The following NOL10 variants were observed in gnomAD, a reference collection of about 807,000 sequenced individuals.
NOL10 encodes the protein H_NH0074G24.1.
A neutral mutation model predicts 103.5 loss-of-function variants in NOL10; 58 were observed. The ratio of observed to expected loss-of-function variants is 0.56; its 90% CI spans 0.45 to 0.70. The LOEUF (loss-of-function observed/expected upper bound fraction) is 0.70, where lower values mean the gene tolerates loss of function less well. NOL10 is among the 30% of genes least tolerant of loss of function. The pLI, the probability that NOL10 is intolerant of heterozygous loss-of-function variation, is 0.00. For synonymous variants in NOL10, 287 were observed against 282.5 expected (o/e 1.02, Z -0.16); for missense variants, 763 against 807.3 (o/e 0.95, Z 0.67).
At chr2:10,653,261 T>C (rs761387743) in intron 12 of NOL10, among the ~76,000 whole-genome samples, 4 of 151,724 alleles carry the variant, frequency 2.6e-5, no homozygotes, top group Non-Finnish European at 4.4e-5. Flanking sequence ...GTACACCTAG[T>C]ATAAGGTCAA....
intron 4 of NOL10, among the ~76,000 whole-genome samples, chr2:10,675,208 T>TAATAAATA (rs753047364): frequency 6.6e-6 from 1 of 151,110 alleles, no homozygotes; most frequent in African/African-American, 2.4e-5. Flanking sequence ...TTTAAAAAAG[T>TAATAAATA]AATAAATAAA....
chr2:10,680,086 C>A (rs1007881541), intron 3 of NOL10, among the ~76,000 whole-genome samples: 24 of 151,880 alleles, frequency 1.6e-4, no homozygotes, highest in Non-Finnish European at 2.8e-4. Flanking sequence ...ACCAGCCTGG[C>A]CAACATGGTG....
intron 19 of NOL10, among the ~76,000 whole-genome samples, chr2:10,579,350 C>CA (rs1219334246): frequency 6.6e-6 from 1 of 151,830 alleles, no homozygotes. Flanking sequence ...TTATAGATGG[C>CA]AAAAAAGGGA....
chr2:10,673,707 A>G lies in NOL10; in HGVS notation c.290-150T>C, dbSNP rs1572423784. 10 of 537,134 alleles carry G rather than the reference A, an allele frequency of 1.9e-5. No homozygotes were observed. In the South Asian group the frequency reaches 3.0e-4, roughly 16 times the overall value. 33.3% of individuals were successfully genotyped at this position (537,134 alleles called of 1,614,324 possible). Reference sequence around the variant, plus strand: ...CGTGAAACAAGAAGAAAATTGTCATAGTATATTGTCCCAAAACACCAACAA... The same window carrying G: ...CGTGAAACAAGAAGAAAATTGTCATGGTATATTGTCCCAAAACACCAACAA... On this transcript the variant is annotated intron_variant, in intron 4 of 20. Coordinates refer to ENST00000381685, the MANE Select transcript of NOL10 (RefSeq NM_024894.4).
In NOL10 at chr2:10,657,870, A is replaced by C; in HGVS notation, c.778T>G (p.Ser260Ala). ...TGQVLLYDLR[S>A]DKPLLVKDHQ... ...TCTTTAACTAGCAATGGCTTATCAG[A>C]TCGAAGGTCATATAATAAAACCTGA... Residue 260 changes from serine (S) to alanine (A), a missense_variant, in exon 11 of 21, where the codon TCT (serine) becomes GCT (alanine). Ser to Ala is a moderately conservative substitution (Grantham distance 99). Transcript: ENST00000381685. 1 of 1,539,046 alleles carries C rather than the reference A, an allele frequency of 6.5e-7. No homozygotes were observed. The highest frequency in any genetic ancestry group is 1.2e-5 in the South Asian group (1 of 80,432).
intron 14 of NOL10, among the ~76,000 whole-genome samples, chr2:10,606,048 C>T (rs370750291): frequency 1.3e-5 from 2 of 152,050 alleles, no homozygotes; most frequent in Non-Finnish European, 2.9e-5. Flanking sequence ...TGCTGTAGCC[C>T]TCTGACAGCA....
At chr2:10,627,805 G>A (rs1677574416) in intron 13 of NOL10, among the ~76,000 whole-genome samples, 1 of 151,724 alleles carries the variant, frequency 6.6e-6, no homozygotes. Context: ...CACTTCCAGG[G>A]TGACTGGTTG....
chr2:10,663,679 G>A (rs1207803244), intron 8 of NOL10, among the ~76,000 whole-genome samples: 7 of 152,016 alleles, frequency 4.6e-5, no homozygotes, highest in South Asian at 2.1e-4. Flanking sequence ...GGCCAGGCGC[G>A]GTGGCCACGC....
chr2:10,674,927 G>A (rs1265229381), intron 4 of NOL10, among the ~76,000 whole-genome samples: 1 of 152,222 alleles, frequency 6.6e-6, no homozygotes, highest in African/African-American at 2.4e-5. Context: ...CAAGGGGCTG[G>A]GTGCAGTGGC....
rs1313469715 is a variant in NOL10, at chr2:10,663,000, G to A, written c.636C>T (p.Gly212=). ...CACTGTTTAAGGCGCAGTCTAACAG[G>A]CCAACTCTGTTTCGAGTTCTTGGGT... is the stretch of plus-strand genomic sequence containing the variant. The part of the protein sequence containing the change: ...CWDPRTRNRV[G]LLDCALNSVT... Residue 212 remains glycine (G), a synonymous_variant, in exon 9 of 21, where the codon GGC becomes GGT. Transcript: ENST00000381685. The A allele has an allele frequency of 1.9e-6, 3 of 1,613,680 alleles. No individual in the cohort carries two copies. Among genetic ancestry groups the A allele is most frequent in the Admixed American group, 3.3e-5 (2 of 59,988 alleles).
intron 17 of NOL10, among the ~76,000 whole-genome samples, chr2:10,600,591 C>T (rs1294118890): frequency 2.8e-5 from 3 of 108,748 alleles, no homozygotes; most frequent in Non-Finnish European, 3.7e-5. Context: ...ATTGTAGTTT[C>T]TAATTTTGAA....
chr2:10,689,219 T>C (rs990750676), intron 1 of NOL10, among the ~76,000 whole-genome samples: 1 of 152,198 alleles, frequency 6.6e-6, no homozygotes, highest in African/African-American at 2.4e-5. Context: ...TCAGCTGCAT[T>C]ACTAAACACG....
intron 13 of NOL10, among the ~76,000 whole-genome samples, chr2:10,641,595 G>GAA (rs1317895835): frequency 6.6e-6 from 1 of 152,138 alleles, no homozygotes; most frequent in African/African-American, 2.4e-5. Flanking sequence ...ATACCAAAGG[G>GAA]AAAATAATGT....
At chr2:10,671,444 C>CT (rs1202652854) in intron 6 of NOL10, 110 bp downstream of exon 6, 9 of 593,596 alleles carry the variant, frequency 1.5e-5, no homozygotes, top group Non-Finnish European at 2.2e-5. Context: ...CCACGTATCA[C>CT]TTTTTTATTA....
intron 11 of NOL10, among the ~76,000 whole-genome samples, chr2:10,655,358 G>C (rs951850573): frequency 1.1e-4 from 16 of 152,142 alleles, no homozygotes; most frequent in African/African-American, 3.4e-4. Context: ...TGGCCAGCAT[G>C]GAAAATGAGG....
chr2:10,672,692 T>C (rs963808870), intron 5 of NOL10, among the ~76,000 whole-genome samples: 23 of 152,158 alleles, frequency 1.5e-4, no homozygotes, highest in Non-Finnish European at 2.4e-4. Context: ...TTGAAAGTGA[T>C]TATAAGAGTT....
rs1680630580 is a variant in NOL10 at position 10,667,380 on chromosome 2, A to G, written c.531-102T>C. On this transcript the variant is annotated intron_variant, in intron 7 of 20. Coordinates refer to ENST00000381685, the MANE Select transcript of NOL10 (RefSeq NM_024894.4). ...ACAGTCAACCCAAATTCTGAGTAGA[A>G]AGAAGACACACAGATTCTCTCTTAC... 1.5e-5 allele frequency: 12 copies of G among 814,328 alleles called. No homozygotes were observed. In the East Asian group the frequency reaches 3.0e-4, roughly 20 times the overall value. 50.4% of individuals were successfully genotyped at this position (814,328 alleles called of 1,614,324 possible). A position where few individuals can be genotyped will look rare whatever the true frequency, so the allele number is the denominator to read the frequency against.
chr2:10,684,539 A>G (rs1332932475), intron 2 of NOL10, 28 bp downstream of exon 2: 1 of 1,548,372 alleles, frequency 6.5e-7, no homozygotes, highest in East Asian at 2.3e-5. Flanking sequence ...TCACTAACGC[A>G]GCTGAAGTGG....
chr2:10,626,362 A>G lies in NOL10; in HGVS notation c.1026+17958T>C, dbSNP rs77022383. Among the ~76,000 whole-genome samples, 239 of 152,304 alleles carry G rather than the reference A, an allele frequency of 1.6e-3. 2 individuals are homozygous for G. The East Asian group carries it at 0.031, about 20-fold the overall frequency. Reference sequence around the variant, plus strand: ...GGAGCTTACATCCTAAGTGGGCATCAGAAGAGAAACTTACGTTGGGATTTG... The same window carrying G: ...GGAGCTTACATCCTAAGTGGGCATCGGAAGAGAAACTTACGTTGGGATTTG... On this transcript the variant is annotated intron_variant, in intron 13 of 20. Transcript: ENST00000381685.
Sources: gnomAD v4.1 joint callset for allele counts (sites outside exome capture counted in the v4.1 genomes callset) on GRCh38, gnomAD v4.1.1 for gene constraint, MANE v1.5 for transcripts, NCBI Gene and HGNC (gene_info 2026-07-23, HGNC 2026-07-21) for gene names.